Variants in CABIN1 observed in about 807,000 individuals in gnomAD.
CABIN1 encodes calcineurin-binding protein cabin-1.
A neutral mutation model predicts 227.7 loss-of-function variants in CABIN1; 133 were observed. The ratio of observed to expected loss-of-function variants is 0.58; its 90% CI spans 0.51 to 0.67. CABIN1 has a LOEUF of 0.67. Ranked by LOEUF, CABIN1 falls within the 30% of genes least tolerant of loss-of-function variation. The probability of loss-of-function intolerance (pLI) is 0.00; values close to 1 mark genes in which losing one functional copy is unlikely to be tolerated. For missense variants in CABIN1, 2,408 were observed against 2,852.5 expected (o/e 0.84, Z 3.55); for synonymous variants, 1,086 against 1,155.1 (o/e 0.94, Z 1.21).
intron 6 of CABIN1, 77 bp downstream of exon 6, chr22:24,043,161 T>C (rs2037561152): frequency 3.6e-6 from 5 of 1,377,468 alleles, no homozygotes; most frequent in Non-Finnish European, 5.1e-6. Flanking sequence ...TTGGGTAAAC[T>C]GAAAGCCAAA....
chr22:24,084,996 C>T lies in CABIN1; in HGVS notation c.3118-10C>T. 6.2e-7 allele frequency: 1 copy of T among 1,614,242 alleles called. No homozygotes were observed. ...CCACCTCCCCTCATACTTTTCCTCT[C>T]ACCTGCCAGGTACCCTGCCTCCCAG... is the stretch of plus-strand genomic sequence containing the variant. On this transcript the variant is annotated splice_polypyrimidine_tract_variant and intron_variant, in intron 21 of 36. Transcript: ENST00000263119.
chr22:24,067,204 A>C (rs1309806289), intron 16 of CABIN1, 23 bp downstream of exon 16: 1 of 1,612,782 alleles, frequency 6.2e-7, no homozygotes. Flanking sequence ...AGTGTCCCTC[A>C]CACCCACTTG....
At chr22:24,141,996 G>A (rs1020642206) in intron 29 of CABIN1, among the ~76,000 whole-genome samples, 2 of 152,158 alleles carry the variant, frequency 1.3e-5, no homozygotes, top group African/African-American at 4.8e-5. Context: ...GAGTTGGGGG[G>A]AAGGAGAGAA....
chr22:24,058,976 G>C (rs922063024), intron 10 of CABIN1, among the ~76,000 whole-genome samples: 1 of 152,226 alleles, frequency 6.6e-6, no homozygotes, highest in African/African-American at 2.4e-5. Context: ...CACAGTGCCT[G>C]GCACATAGCT....
At chr22:24,100,687 CGGGGAGGTCAGAT>C (rs1569215870) in intron 26 of CABIN1, among the ~76,000 whole-genome samples, 1 of 152,120 alleles carries the variant, frequency 6.6e-6, no homozygotes, top group Non-Finnish European at 1.5e-5. Flanking sequence ...GAAGCAGTCA[CGGGGAGGTCAGAT>C]GGGGAGGTCA....
chr22:24,063,120 C>T lies in CABIN1; in HGVS notation c.1858C>T (p.Leu620=). 1 of 1,614,152 alleles carries T rather than the reference C, an allele frequency of 6.2e-7. No homozygotes were observed. The highest frequency in any genetic ancestry group is 8.5e-7 in the Non-Finnish European group (1 of 1,180,006). Residue 620 remains leucine (L), a synonymous_variant, in exon 14 of 37, where the codon CTG becomes TTG. Coordinates refer to ENST00000263119, the MANE Select transcript of CABIN1 (RefSeq NM_012295.4). The part of the protein sequence containing the change: ...WLEFVVRVYW[L]KARFLALQGD... ...GGAGTTTGTGGTCCGTGTTTACTGGCTGAAGGCTCGCTTCCTGGCGCTGCA... is the reference window on the plus strand; with the variant it reads ...GGAGTTTGTGGTCCGTGTTTACTGGTTGAAGGCTCGCTTCCTGGCGCTGCA...
chr22:24,132,430 G>A (rs972105714), intron 28 of CABIN1, among the ~76,000 whole-genome samples: 4 of 152,322 alleles, frequency 2.6e-5, no homozygotes, highest in Admixed American at 2.6e-4. Flanking sequence ...GGGGCATGTG[G>A]CCTGGGATAG....
At chr22:24,020,335 T>G (rs2035631561) in intron 1 of CABIN1, among the ~76,000 whole-genome samples, 1 of 152,200 alleles carries the variant, frequency 6.6e-6, no homozygotes, top group Non-Finnish European at 1.5e-5. Context: ...TATTTTTTTA[T>G]TTTTGATACG....
intron 19 of CABIN1, among the ~76,000 whole-genome samples, chr22:24,081,872 AAAAAAT>A (rs961078322): frequency 2.0e-5 from 3 of 151,940 alleles, no homozygotes; most frequent in Admixed American, 1.3e-4. Context: ...ACTAAAAATA[AAAAAAT>A]TAGCTGGGCA....
At chr22:24,099,135 C>G (rs1450573684) in intron 26 of CABIN1, among the ~76,000 whole-genome samples, 1 of 152,162 alleles carries the variant, frequency 6.6e-6, no homozygotes, top group Non-Finnish European at 1.5e-5. Context: ...CAGTACAGGT[C>G]TGGGGGGGGC....
At chr22:24,032,759 A>T (rs2036584785) in intron 1 of CABIN1, among the ~76,000 whole-genome samples, 1 of 152,038 alleles carries the variant, frequency 6.6e-6, no homozygotes, top group Non-Finnish European at 1.5e-5. Context: ...ATTTTGGCAT[A>T]GCTTATGATA....
At chr22:24,067,300 T>A in intron 16 of CABIN1, 119 bp downstream of exon 16, 1 of 1,024,164 alleles carries the variant, frequency 9.8e-7, no homozygotes, top group Admixed American at 2.0e-5. Flanking sequence ...AGAGTGGATG[T>A]CAAAACCACT....
intron 1 of CABIN1, among the ~76,000 whole-genome samples, chr22:24,033,691 G>A (rs1049879060): frequency 2.0e-5 from 3 of 152,114 alleles, no homozygotes; most frequent in African/African-American, 7.2e-5. Context: ...CCTCCTAGTG[G>A]GATTCCCCTT....
At chr22:24,083,654 C>T (rs1360175853) in intron 20 of CABIN1, among the ~76,000 whole-genome samples, 1 of 152,112 alleles carries the variant, frequency 6.6e-6, no homozygotes, top group Non-Finnish European at 1.5e-5. Flanking sequence ...TCTAGCTGCT[C>T]TGGAGGGTGA....
At position 24,171,930 on chromosome 22, in the gene CABIN1, A is replaced by G; in HGVS notation, c.5975A>G (p.Lys1992Arg). 6.2e-7 allele frequency: 1 copy of G among 1,613,904 alleles called. No homozygotes were observed. The highest frequency in any genetic ancestry group is 8.5e-7 in the Non-Finnish European group (1 of 1,180,038). Residue 1992 changes from lysine to arginine, a missense_variant, in exon 34 of 37, where the codon AAG (lysine) becomes AGG (arginine). By Grantham distance (26) the Lys-to-Arg change is conservative (BLOSUM62 2). Around this residue, in one of 3 missense-constraint regions of CABIN1, gnomAD observed 714 missense variants for 773.8 expected, o/e 0.92. Transcript: ENST00000263119. ...SASASTLDQS[K>R]DPGPPRPHRP... is the part of the protein sequence containing the mutation. ...TCAGCTTCCACCCTGGACCAGTCCAAGGACCCTGGGCCTCCCCGGCCACAC... is the reference window on the plus strand; with the variant it reads ...TCAGCTTCCACCCTGGACCAGTCCAGGGACCCTGGGCCTCCCCGGCCACAC...
At chr22:24,078,916 G>A (rs1165142013) in intron 19 of CABIN1, among the ~76,000 whole-genome samples, 4 of 151,956 alleles carry the variant, frequency 2.6e-5, no homozygotes, top group Non-Finnish European at 4.4e-5. Flanking sequence ...TCAGTAAATA[G>A]TATATAGTTA....
chr22:24,066,908 A>G, intron 15 of CABIN1, 79 bp from the exon 16 acceptor site: 4 of 1,410,618 alleles, frequency 2.8e-6, no homozygotes, highest in Non-Finnish European at 4.0e-6. Context: ...CAAGTCTGAT[A>G]AAAACAAACA....
intron 1 of CABIN1, among the ~76,000 whole-genome samples, chr22:24,034,094 G>T (rs1426851937): frequency 6.6e-6 from 1 of 152,234 alleles, no homozygotes; most frequent in Non-Finnish European, 1.5e-5. Context: ...GCACAACCGA[G>T]ATCCCTCGCA....
chr22:24,116,675 T>C (rs1190842471), intron 27 of CABIN1, among the ~76,000 whole-genome samples: 1 of 152,238 alleles, frequency 6.6e-6, no homozygotes, highest in Non-Finnish European at 1.5e-5. Flanking sequence ...GCCTCTCAGC[T>C]GTTGGTGTCT....
Sources: gnomAD v4.1 joint callset for allele counts (sites outside exome capture counted in the v4.1 genomes callset) on GRCh38, gnomAD v4.1.1 for gene constraint, gnomAD v4.1.1 regional missense constraint, MANE v1.5 for transcripts, NCBI Gene and HGNC (gene_info 2026-07-23, HGNC 2026-07-21) for gene names.